Variants in PRKN observed in about 807,000 individuals in gnomAD.
PRKN encodes the protein E3 ubiquitin-protein ligase parkin.
A neutral mutation model predicts 59.5 loss-of-function variants in PRKN; 56 were observed. The observed-to-expected ratio is 0.94, with a 90% confidence interval of 0.76 to 1.18. The LOEUF (loss-of-function observed/expected upper bound fraction) is 1.18. Ranked by LOEUF, PRKN falls within the 50% of genes most tolerant of loss-of-function variation. The pLI is 0.00. For missense variants in PRKN, 657 were observed against 596.4 expected, an observed-to-expected ratio of 1.10 and a Z score of -1.06; for synonymous variants, 250 against 222.1, an observed-to-expected ratio of 1.13 and a Z score of -1.12.
At chr6:161,848,986 AGT>A (rs58970745) in intron 6 of PRKN, among the ~76,000 whole-genome samples, 2,679 of 152,266 alleles carry the variant, frequency 0.018, 76 homozygotes, top group East Asian at 0.13. Flanking sequence ...TTCTGAGGAA[AGT>A]GTGTCCCAGT....
intron 6 of PRKN, among the ~76,000 whole-genome samples, chr6:161,907,549 A>T (rs964829227): frequency 1.3e-5 from 2 of 152,126 alleles, no homozygotes; most frequent in Non-Finnish European, 2.9e-5. Flanking sequence ...TCAAGTTTTC[A>T]TCTTTCCCCT....
chr6:161,616,468 T>C (rs1782699017), intron 7 of PRKN, among the ~76,000 whole-genome samples: 1 of 151,928 alleles, frequency 6.6e-6, no homozygotes, highest in African/African-American at 2.4e-5. Flanking sequence ...ACATGCAGGT[T>C]CGTTACATAG....
chr6:161,735,103 G>C (rs759406165), intron 7 of PRKN, among the ~76,000 whole-genome samples: 1 of 150,932 alleles, frequency 6.6e-6, no homozygotes, highest in African/African-American at 2.4e-5. Flanking sequence ...TGTTCCCCTT[G>C]TAGAGAGAGG....
rs968068852 is a variant in PRKN, at chr6:161,386,336, T to C, written c.1167+458A>G. 6.6e-6 allele frequency among the ~76,000 whole-genome samples: 1 copy of C among 152,212 alleles called. No individual in the cohort carries two copies. The highest frequency in any genetic ancestry group is 1.9e-4 in the East Asian group (1 of 5,196). The stretch of plus-strand genomic sequence containing the variant: ...ATGAGGACTGAAACACCAGTTAGCA[T>C]AGGGCATGATGCTGCTAAAGGACAA... On this transcript the variant is annotated intron_variant, in intron 10 of 11. Coordinates refer to ENST00000366898, the MANE Select transcript of PRKN (RefSeq NM_004562.3). The surrounding 1 kb of genome is among the most constrained non-coding windows in gnomAD (Gnocchi z 4.3).
chr6:161,837,706 G>A (rs1357378932), intron 6 of PRKN, among the ~76,000 whole-genome samples: 1 of 152,092 alleles, frequency 6.6e-6, no homozygotes, highest in Non-Finnish European at 1.5e-5. Flanking sequence ...GAGGGTGAGG[G>A]TAGACTTAAC....
At chr6:161,972,515 CT>C (rs113444853) in intron 6 of PRKN, among the ~76,000 whole-genome samples, 1 of 152,098 alleles carries the variant, frequency 6.6e-6, no homozygotes. Context: ...GTCGTTTTCC[CT>C]TTTTTTACTA....
chr6:161,756,727 CAA>C (rs1335554377), intron 7 of PRKN, among the ~76,000 whole-genome samples: 2 of 152,016 alleles, frequency 1.3e-5, no homozygotes, highest in Admixed American at 6.6e-5. Flanking sequence ...CAAGTCCCAG[CAA>C]CCTCACTTCA....
At chr6:162,240,108 C>G (rs1214476378) in intron 3 of PRKN, among the ~76,000 whole-genome samples, 2 of 152,120 alleles carry the variant, frequency 1.3e-5, no homozygotes, top group Non-Finnish European at 2.9e-5. Flanking sequence ...AGGTTTTACG[C>G]TCAGGTTTGA....
At chr6:162,394,860 T>C (rs1022042437) in intron 2 of PRKN, among the ~76,000 whole-genome samples, 2 of 152,218 alleles carry the variant, frequency 1.3e-5, no homozygotes, top group African/African-American at 4.8e-5. Context: ...CCTGTATATG[T>C]TTAAAGTTTA....
At chr6:162,472,217 T>A (rs968346297) in intron 1 of PRKN, among the ~76,000 whole-genome samples, 6 of 143,424 alleles carry the variant, frequency 4.2e-5, no homozygotes, top group East Asian at 2.2e-4. Context: ...AACTTTTTTT[T>A]TATATACTTT....
intron 2 of PRKN, among the ~76,000 whole-genome samples, chr6:162,409,123 T>C (rs1788220152): frequency 6.6e-6 from 1 of 152,112 alleles, no homozygotes; most frequent in South Asian, 2.1e-4. Flanking sequence ...CCTTCCATTC[T>C]TCCTTTCTTC....
intron 2 of PRKN, among the ~76,000 whole-genome samples, chr6:162,328,991 C>A (rs1246272029): frequency 6.6e-6 from 1 of 152,136 alleles, no homozygotes; most frequent in Non-Finnish European, 1.5e-5. Context: ...AGGTCCTGAA[C>A]CAAAATGCCA....
intron 1 of PRKN, among the ~76,000 whole-genome samples, chr6:162,633,823 G>A (rs1777609273): frequency 1.3e-5 from 2 of 152,134 alleles, no homozygotes; most frequent in Non-Finnish European, 2.9e-5. Flanking sequence ...GTAGCTAGAT[G>A]AGCTAAACAA....
intron 7 of PRKN, among the ~76,000 whole-genome samples, chr6:161,711,225 T>C (rs1786737371): frequency 6.6e-6 from 1 of 152,178 alleles, no homozygotes; most frequent in African/African-American, 2.4e-5. Context: ...GTTCCTGCCT[T>C]TGATAGTTTT....
intron 6 of PRKN, among the ~76,000 whole-genome samples, chr6:161,843,646 T>A (rs118131132): frequency 6.6e-6 from 1 of 152,138 alleles, no homozygotes; most frequent in East Asian, 1.9e-4. Context: ...AGGAATTAGA[T>A]AGGCATGGTG....
chr6:161,550,224 A>T lies in PRKN; in HGVS notation c.934-1221T>A, dbSNP rs1327674456. On this transcript the variant is annotated intron_variant, in intron 8 of 11. Transcript: ENST00000366898. This position sits in a 1 kb window ranked among gnomAD's most constrained non-coding sequence, Gnocchi z 4.0. ...GCGGAGGCAGAGAGAACAAGGAGGG[A>T]AAAAAACAGAAGGTGAAGTTGGAGA... Among the ~76,000 whole-genome samples, 1 of 152,170 alleles carries T rather than the reference A, an allele frequency of 6.6e-6. No individual in the cohort carries two copies. Among genetic ancestry groups the T allele is most frequent in the Non-Finnish European group, 1.5e-5 (1 of 68,038 alleles).
At chr6:162,051,496 C>G (rs562718119) in intron 5 of PRKN, among the ~76,000 whole-genome samples, 1 of 152,182 alleles carries the variant, frequency 6.6e-6, no homozygotes, top group African/African-American at 2.4e-5. Flanking sequence ...CACGCGCCTC[C>G]GCATCCTCGT....
chr6:161,835,483 G>A (rs1792711605), intron 6 of PRKN, among the ~76,000 whole-genome samples: 1 of 152,212 alleles, frequency 6.6e-6, no homozygotes, highest in Non-Finnish European at 1.5e-5. Flanking sequence ...CTGCAGCGGA[G>A]CTAAACCAAA....
At chr6:162,514,045 CA>C (rs368597218) in intron 1 of PRKN, among the ~76,000 whole-genome samples, 3 of 144,450 alleles carry the variant, frequency 2.1e-5, no homozygotes, top group Non-Finnish European at 4.5e-5. Context: ...GACTCCATCT[CA>C]AAAAAAAAGA....
Sources: allele counts gnomAD v4.1 joint callset (sites outside exome capture counted in the v4.1 genomes callset), GRCh38; gene constraint gnomAD v4.1.1; non-coding constraint Gnocchi (gnomAD v3.1); transcripts MANE v1.5; gene names NCBI Gene and HGNC (gene_info 2026-07-23, HGNC 2026-07-21).